FAM81A: variants seen among roughly 807,000 people sequenced by gnomAD.
FAM81A encodes protein FAM81A.
A neutral mutation model predicts 46.7 loss-of-function variants in FAM81A; 19 were observed. The observed-to-expected ratio is 0.41, with a 90% CI of 0.28 to 0.60. The LOEUF is 0.60. Ranked by LOEUF, FAM81A falls within the 20% of genes least tolerant of loss-of-function variation. The pLI is 0.34. For synonymous variants in FAM81A, 183 were observed against 152.9 expected (o/e 1.20, Z -1.45); for missense variants, 377 against 453.5 (o/e 0.83, Z 1.53).
chr15:59,439,813 C>T (rs2081278221), intron 1 of FAM81A: 1 of 152,222 alleles, frequency 6.6e-6, no homozygotes, highest in African/African-American at 2.4e-5. Context: ...AGCCACACTA[C>T]ATGGTGCTTG....
intron 1 of FAM81A, among the ~76,000 whole-genome samples, chr15:59,399,724 C>T (rs1180976762): frequency 1.3e-5 from 2 of 152,164 alleles, no homozygotes; most frequent in African/African-American, 4.8e-5. Context: ...ATGCGAGGCG[C>T]TGGCCAGTCC....
In FAM81A at chr15:59,496,588, T is replaced by C. The variant is rs373136744; in HGVS notation, c.413+4199T>C. 4.0e-5 allele frequency among the ~76,000 whole-genome samples: 6 copies of C among 150,578 alleles called. No homozygotes were observed. In the East Asian group the frequency reaches 7.9e-4, roughly 20 times the overall value. On this transcript the variant is annotated intron_variant, in intron 4 of 8. Transcript: ENST00000288228. ...CCACTGCACTCCAGCCTGGGCAACA[T>C]AGCAAGACTCTATCTCAAAAAAAAA...
chr15:59,419,598 G>A (rs1249246010), intron 2 of FAM81A, among the ~76,000 whole-genome samples: 1 of 152,148 alleles, frequency 6.6e-6, no homozygotes, highest in African/African-American at 2.4e-5. Flanking sequence ...AACAGGCCGG[G>A]CACGGTGGCT....
chr15:59,481,964 A>T (rs2081857829), intron 3 of FAM81A, among the ~76,000 whole-genome samples: 1 of 151,820 alleles, frequency 6.6e-6, no homozygotes, highest in Non-Finnish European at 1.5e-5. Context: ...GGTTTAAAAA[A>T]TAGACTTTAT....
At chr15:59,400,011 G>A (rs1470225991) in intron 1 of FAM81A, among the ~76,000 whole-genome samples, 1 of 152,046 alleles carries the variant, frequency 6.6e-6, no homozygotes, top group African/African-American at 2.4e-5. Flanking sequence ...GAGAGTCCCC[G>A]TCCGAGTCTC....
rs567086024 is a variant in FAM81A, at chr15:59,504,828, A to C, written c.414-2385A>C. 2.0e-5 allele frequency among the ~76,000 whole-genome samples: 3 copies of C among 152,188 alleles called. No individual in the cohort carries two copies. The East Asian group carries it at 5.8e-4, about 29-fold the overall frequency. On this transcript the variant is annotated intron_variant, in intron 4 of 8. Transcript: ENST00000288228. ...ATATCTATTGTGGGCTGTCAGTCTT[A>C]TTGTCAGTTTTTGGTAGCTTTGGGT...
At chr15:59,490,953 A>G (rs1443158319) in intron 3 of FAM81A, among the ~76,000 whole-genome samples, 2 of 152,250 alleles carry the variant, frequency 1.3e-5, no homozygotes, top group African/African-American at 2.4e-5. Context: ...GAGCACTCAT[A>G]CAGTGTTGGC....
chr15:59,427,024 A>G (rs1442482504), intron 2 of FAM81A, among the ~76,000 whole-genome samples: 3 of 152,248 alleles, frequency 2.0e-5, no homozygotes, highest in South Asian at 2.1e-4. Context: ...AAGATCAAAC[A>G]TATCAGACAA....
chr15:59,443,230 C>T (rs1182659792), intron 1 of FAM81A, among the ~76,000 whole-genome samples: 1 of 152,104 alleles, frequency 6.6e-6, no homozygotes, highest in African/African-American at 2.4e-5. Context: ...TTACAGGCAC[C>T]CACCATCATG....
chr15:59,406,750 C>G (rs185034478), intron 2 of FAM81A, among the ~76,000 whole-genome samples: 1 of 152,286 alleles, frequency 6.6e-6, no homozygotes, highest in East Asian at 1.9e-4. Flanking sequence ...CCTGCACGAT[C>G]TTTTACTACA....
chr15:59,483,624 A>G (rs919049629), intron 3 of FAM81A, among the ~76,000 whole-genome samples: 1 of 152,152 alleles, frequency 6.6e-6, no homozygotes. Context: ...GAAACCATCA[A>G]AATTTCTAGA....
At chr15:59,506,082 C>T (rs2082145808) in intron 4 of FAM81A, among the ~76,000 whole-genome samples, 1 of 152,154 alleles carries the variant, frequency 6.6e-6, no homozygotes, top group South Asian at 2.1e-4. Flanking sequence ...CATCTGTAAG[C>T]CAGGCCTGAC....
intron 2 of FAM81A, among the ~76,000 whole-genome samples, chr15:59,413,943 T>C (rs2081134018): frequency 6.6e-6 from 1 of 152,134 alleles, no homozygotes; most frequent in Non-Finnish European, 1.5e-5. Flanking sequence ...CCCAAAGACG[T>C]CCACATTCTA....
chr15:59,455,054 C>T (rs1324796583), intron 1 of FAM81A, among the ~76,000 whole-genome samples: 4 of 149,696 alleles, frequency 2.7e-5, no homozygotes, highest in African/African-American at 9.9e-5. Flanking sequence ...TGTGCCACCA[C>T]ACCTGGCTAA....
intron 3 of FAM81A, among the ~76,000 whole-genome samples, chr15:59,465,125 A>T (rs1328204285): frequency 2.0e-5 from 3 of 152,086 alleles, no homozygotes; most frequent in Admixed American, 1.3e-4. Context: ...ATGGCTGTAG[A>T]TACGTGGATT....
intron 1 of FAM81A, among the ~76,000 whole-genome samples, chr15:59,453,055 T>C (rs1048854427): frequency 6.6e-6 from 1 of 152,178 alleles, no homozygotes; most frequent in Non-Finnish European, 1.5e-5. Flanking sequence ...GAGCCACCGC[T>C]CCTGGCTGAA....
chr15:59,448,977 A>C (rs2081383690), intron 1 of FAM81A, among the ~76,000 whole-genome samples: 1 of 152,134 alleles, frequency 6.6e-6, no homozygotes, highest in Admixed American at 6.5e-5. Context: ...AGCTATTGAT[A>C]TTCTTTTGAG....
chr15:59,402,022 G>T, intron 1 of FAM81A: 1 of 600,584 alleles, frequency 1.7e-6, no homozygotes, highest in Admixed American at 2.8e-5. Flanking sequence ...CCGCAGAGCT[G>T]CCAGGAGCAG....
At chr15:59,433,937 C>A (rs1421412945), upstream of FAM81A, among the ~76,000 whole-genome samples, 1 of 152,176 alleles carries the variant, frequency 6.6e-6, no homozygotes, top group Admixed American at 6.5e-5. Flanking sequence ...CTCACTACAC[C>A]CTCTGCCTCC....
Sources: gnomAD v4.1 joint callset for allele counts (sites outside exome capture counted in the v4.1 genomes callset) on GRCh38, gnomAD v4.1.1 for gene constraint, MANE v1.5 for transcripts, NCBI Gene and HGNC (gene_info 2026-07-23, HGNC 2026-07-21) for gene names.